Variants in PJA2 observed in about 807,000 individuals in gnomAD.
PJA2 encodes the protein E3 ubiquitin-protein ligase Praja-2.
In PJA2, 25 loss-of-function variants were observed where a neutral mutation model predicts 69.3. The observed-to-expected ratio is 0.36, with a 90% confidence interval of 0.26 to 0.50. The LOEUF (loss-of-function observed/expected upper bound fraction) is 0.50, where lower values mean the gene tolerates loss of function less well. Among genes scored for constraint, PJA2 ranks in the 20% least tolerant of loss-of-function variants. The pLI, the probability that PJA2 is intolerant of heterozygous loss-of-function variation, is 0.96. For missense variants in PJA2, 809 were observed against 830.2 expected (o/e 0.97, Z 0.31); for synonymous variants, 308 against 277.8 (o/e 1.11, Z -1.08).
intron 6 of PJA2, among the ~76,000 whole-genome samples, chr5:109,358,675 CCAGGCATTGGTAGCTCATGCTTG>C (rs1762459216): frequency 6.6e-6 from 1 of 152,020 alleles, no homozygotes; most frequent in South Asian, 2.1e-4. Flanking sequence ...CAAATATTAG[CCAGGCATTGGTAGCTCATGCTTG>C]TAGTCCCAGC....
chr5:109,377,845 A>G (rs1039099931), intron 4 of PJA2, among the ~76,000 whole-genome samples: 3 of 152,206 alleles, frequency 2.0e-5, no homozygotes, highest in African/African-American at 4.8e-5. Flanking sequence ...ATAATTTGTG[A>G]TATTAATCAC....
intron 5 of PJA2, among the ~76,000 whole-genome samples, chr5:109,363,818 G>A (rs1190359023): frequency 3.9e-5 from 6 of 152,102 alleles, no homozygotes; most frequent in Non-Finnish European, 5.9e-5. Flanking sequence ...AAGAAAATAA[G>A]GAGGAGATAA....
At chr5:109,371,566 T>C (rs929227908) in intron 4 of PJA2, among the ~76,000 whole-genome samples, 1 of 152,200 alleles carries the variant, frequency 6.6e-6, no homozygotes, top group East Asian at 1.9e-4. Context: ...TTCTCCAAAT[T>C]AGACCTATAT....
intron 4 of PJA2, among the ~76,000 whole-genome samples, chr5:109,375,766 A>G (rs1360964436): frequency 1.3e-5 from 2 of 152,156 alleles, no homozygotes; most frequent in Non-Finnish European, 1.5e-5. Context: ...GAGGATGACA[A>G]TGAAACATCA....
chr5:109,354,287 A>G (rs1762357829), intron 7 of PJA2, among the ~76,000 whole-genome samples: 1 of 148,122 alleles, frequency 6.8e-6, no homozygotes. Context: ...TAGATTAGAT[A>G]TCTATGATAT....
chr5:109,406,039 C>CT lies in PJA2; in HGVS notation c.-88+3802_-88+3803insA, dbSNP rs1561368700. Among the ~76,000 whole-genome samples, 751 of 135,886 alleles carry CT rather than the reference C, an allele frequency of 5.5e-3. 6 individuals are homozygous for CT. The highest frequency in any genetic ancestry group is 0.02 in the African/African-American group (711 of 35,486). The allele number at this position is 135,886 out of a possible 152,430, so 89.1% of individuals were successfully genotyped here. On this transcript the variant is annotated intron_variant, in intron 1 of 9. Transcript: ENST00000361189. The stretch of plus-strand genomic sequence containing the variant: ...TGCTTACAACTCAATAAGACAAACC[C>CT]ATTTTTTTTTTTTTTTTTTTTTGAG...
chr5:109,339,438 T>G (rs1279034500), intron 9 of PJA2, among the ~76,000 whole-genome samples: 1 of 151,960 alleles, frequency 6.6e-6, no homozygotes, highest in Non-Finnish European at 1.5e-5. Flanking sequence ...CACAGATTTA[T>G]GCAAATAAAA....
At chr5:109,409,817 G>GAA (rs57525773) in intron 1 of PJA2, 25 bp downstream of exon 1, 18 of 112,568 alleles carry the variant, frequency 1.6e-4, no homozygotes, top group South Asian at 1.0e-3. Context: ...AAGCCAGACT[G>GAA]AAAAAAAAAA....
At chr5:109,344,622 A>G in intron 8 of PJA2, 83 bp downstream of exon 8, 2 of 915,040 alleles carry the variant, frequency 2.2e-6, no homozygotes, top group Non-Finnish European at 3.3e-6. Context: ...CTAATAATCA[A>G]GTATTTAATT....
Position 109,368,603 on chromosome 5 carries a change from C to T in PJA2, c.1427G>A (p.Ser476Asn), listed in dbSNP as rs773649927. The T allele has an allele frequency of 1.8e-5, 29 of 1,613,970 alleles. No individual in the cohort carries two copies. In the South Asian group the frequency reaches 2.7e-4, roughly 15 times the overall value. Residue 476 changes from serine (S) to asparagine (N), a missense_variant, in exon 5 of 10, where the codon AGT (serine) becomes AAT (asparagine). Coordinates refer to ENST00000361189, the MANE Select transcript of PJA2 (RefSeq NM_014819.5). ...ENEPELQSDSSGPEEENQELS... is the reference protein window; with the variant it reads ...ENEPELQSDSNGPEEENQELS... Reference sequence around the variant, plus strand: ...TTCTTGGTTTTCTTCTTCAGGGCCACTGCTATCACTTTGTAGCTCAGGTTC... The same window carrying T: ...TTCTTGGTTTTCTTCTTCAGGGCCATTGCTATCACTTTGTAGCTCAGGTTC...
intron 7 of PJA2, among the ~76,000 whole-genome samples, chr5:109,353,339 T>C (rs1345484518): frequency 2.8e-5 from 4 of 141,190 alleles, no homozygotes; most frequent in Non-Finnish European, 6.1e-5. Flanking sequence ...TAGATACCTA[T>C]AATATCATAG....
At chr5:109,354,839 G>C (rs1229072833) in intron 7 of PJA2, among the ~76,000 whole-genome samples, 2 of 151,372 alleles carry the variant, frequency 1.3e-5, no homozygotes, top group African/African-American at 4.9e-5. Flanking sequence ...TTCTGGCTGG[G>C]CATGGTGACT....
intron 1 of PJA2, among the ~76,000 whole-genome samples, chr5:109,405,277 T>C (rs1747657480): frequency 6.6e-6 from 1 of 152,168 alleles, no homozygotes. Context: ...ACAAAGGAAA[T>C]GAAAGAAGAC....
At chr5:109,364,422 G>C (rs1000515646) in intron 5 of PJA2, among the ~76,000 whole-genome samples, 6 of 151,680 alleles carry the variant, frequency 4.0e-5, no homozygotes, top group African/African-American at 1.5e-4. Flanking sequence ...AGGAGATCGA[G>C]ACCATCCCGG....
intron 7 of PJA2, among the ~76,000 whole-genome samples, chr5:109,352,806 TATTAG>T (rs1249997298): frequency 6.6e-6 from 1 of 151,108 alleles, no homozygotes; most frequent in African/African-American, 2.4e-5. Context: ...GATATGTATA[TATTAG>T]ATATCTATAA....
chr5:109,395,740 T>C (rs1342013894), intron 1 of PJA2, among the ~76,000 whole-genome samples: 8 of 152,128 alleles, frequency 5.3e-5, no homozygotes, highest in Admixed American at 5.2e-4. Context: ...GGCTCATGCC[T>C]GTAATCCCAG....
At chr5:109,337,802 T>A (rs1456632512) in intron 9 of PJA2, among the ~76,000 whole-genome samples, 2 of 151,850 alleles carry the variant, frequency 1.3e-5, no homozygotes, top group Non-Finnish European at 2.9e-5. Flanking sequence ...CCAAATCATT[T>A]ATGATTTGGT....
intron 1 of PJA2, among the ~76,000 whole-genome samples, chr5:109,387,127 C>T (rs1199923319): frequency 2.0e-5 from 3 of 152,048 alleles, no homozygotes; most frequent in Non-Finnish European, 4.4e-5. Context: ...ACTTCTTTCC[C>T]TTAGCCTTTC....
At chr5:109,394,449 TTAAA>T (rs1747358281) in intron 1 of PJA2, among the ~76,000 whole-genome samples, 1 of 152,220 alleles carries the variant, frequency 6.6e-6, no homozygotes, top group Admixed American at 6.5e-5. Context: ...ATAAAAAGCT[TTAAA>T]TAGTCACTGG....
Sources: allele counts gnomAD v4.1 joint callset (sites outside exome capture counted in the v4.1 genomes callset), GRCh38; gene constraint gnomAD v4.1.1; transcripts MANE v1.5; gene names NCBI Gene and HGNC (gene_info 2026-07-23, HGNC 2026-07-21).